LGR5: variants seen among roughly 807,000 people sequenced by gnomAD.
The protein encoded by LGR5 is leucine rich repeat containing G protein-coupled receptor 5.
LGR5 carries 54 observed loss-of-function variants against 76.7 expected under a neutral mutation model. The ratio of observed to expected loss-of-function variants is 0.70; its 90% CI spans 0.57 to 0.88. The LOEUF is 0.88. LGR5 is among the 40% of genes least tolerant of loss of function. The pLI is 0.00. For missense variants in LGR5, 1,078 were observed against 1,073.3 expected (o/e 1.00, Z -0.06); for synonymous variants, 406 against 421.9 (o/e 0.96, Z 0.46).
intron 1 of LGR5, among the ~76,000 whole-genome samples, chr12:71,465,754 T>G (rs1872838362): frequency 6.6e-6 from 1 of 152,222 alleles, no homozygotes. Context: ...GATTCCTTTT[T>G]CAGGTAACAT....
chr12:71,567,185 G>A (rs1592553421), intron 11 of LGR5: 4 of 414,866 alleles, frequency 9.6e-6, no homozygotes, highest in Non-Finnish European at 1.8e-5. Context: ...GATATGAAGA[G>A]GCCAAAATCA....
At chr12:71,528,880 G>C (rs972975426) in intron 3 of LGR5, among the ~76,000 whole-genome samples, 2 of 152,080 alleles carry the variant, frequency 1.3e-5, no homozygotes, top group Non-Finnish European at 2.9e-5. Flanking sequence ...GGATCTCCAG[G>C]GCCTTTTAAA....
chr12:71,455,926 TGAGA>T (rs1185310273), intron 1 of LGR5, among the ~76,000 whole-genome samples: 1 of 152,162 alleles, frequency 6.6e-6, no homozygotes, highest in African/African-American at 2.4e-5. Context: ...TCTAAAACAC[TGAGA>T]GATTTATGTA....
At chr12:71,526,032 G>A (rs1236006181) in intron 3 of LGR5, among the ~76,000 whole-genome samples, 1 of 152,046 alleles carries the variant, frequency 6.6e-6, no homozygotes, top group Non-Finnish European at 1.5e-5. Flanking sequence ...GATGTCATCT[G>A]TCTTGGTCAC....
intron 13 of LGR5, 152 bp downstream of exon 13, chr12:71,573,073 A>G (rs1466519436): frequency 3.6e-6 from 2 of 556,682 alleles, no homozygotes; most frequent in Non-Finnish European, 6.3e-6. Context: ...GCTTCTGGTA[A>G]TTTCCAGGAA....
intron 2 of LGR5, among the ~76,000 whole-genome samples, chr12:71,515,309 T>C (rs954327473): frequency 2.6e-5 from 4 of 152,260 alleles, no homozygotes; most frequent in Non-Finnish European, 4.4e-5. Context: ...TAGACTATTA[T>C]ACTGGTTTCA....
chr12:71,440,246 G>A lies in LGR5; in HGVS notation c.166G>A (p.Gly56Arg). 6.2e-7 allele frequency: 1 copy of A among 1,613,172 alleles called. No individual in the cohort carries two copies. The highest frequency in any genetic ancestry group is 2.2e-5 in the East Asian group (1 of 44,872). The change falls in exon 1 of 18, where the codon GGG becomes AGG. Residue 56 changes from glycine to arginine, a missense_variant. By Grantham distance (125) the Gly-to-Arg change is moderately radical (BLOSUM62 -2). Coordinates refer to ENST00000266674, the MANE Select transcript of LGR5 (RefSeq NM_003667.4). This position sits in a 1 kb window ranked among gnomAD's most constrained non-coding sequence, Gnocchi z 5.3. ...GCTCAGGGTGGACTGCTCCGACCTGGGGCTCTCGGAGCTGCCTTCCAACCT... is the reference window on the plus strand; with the variant it reads ...GCTCAGGGTGGACTGCTCCGACCTGAGGCTCTCGGAGCTGCCTTCCAACCT... ...MLLRVDCSDL[G>R]LSELPSNLSV...
At chr12:71,474,164 T>C (rs1483054708) in intron 1 of LGR5, among the ~76,000 whole-genome samples, 2 of 152,060 alleles carry the variant, frequency 1.3e-5, no homozygotes, top group Non-Finnish European at 2.9e-5. Flanking sequence ...AAAATCCCTT[T>C]CACTTTTCAT....
rs139237272 is a variant in LGR5, at chr12:71,493,396, T to C, written c.213-11218T>C. 8.5e-4 allele frequency among the ~76,000 whole-genome samples: 129 copies of C among 151,454 alleles called. 10 individuals carry two copies. The highest frequency in any genetic ancestry group is 3.1e-3 in the African/African-American group (126 of 40,716). On this transcript the variant is annotated intron_variant, in intron 1 of 17. Transcript: ENST00000266674. ...GACTCCTATGAGGATTCTCAATTCC[T>C]CAGAAAATTTTTGTGTATTTTCTTT...
intron 1 of LGR5, among the ~76,000 whole-genome samples, chr12:71,469,468 G>C (rs1873002290): frequency 1.3e-5 from 2 of 152,236 alleles, no homozygotes; most frequent in East Asian, 3.9e-4. Flanking sequence ...CCGCGTGGGC[G>C]CTGGGAGTGG....
chr12:71,496,531 A>G (rs112210727), intron 1 of LGR5, among the ~76,000 whole-genome samples: 1,859 of 152,338 alleles, frequency 0.012, 16 homozygotes, highest in Middle Eastern at 0.037. Flanking sequence ...GGCAGTATCT[A>G]TTAAAGCAGA....
intron 2 of LGR5, among the ~76,000 whole-genome samples, chr12:71,520,092 T>G (rs921249812): frequency 6.6e-6 from 1 of 152,022 alleles, no homozygotes; most frequent in Non-Finnish European, 1.5e-5. Context: ...GAACAGATAT[T>G]TGTACACTAA....
chr12:71,519,578 C>T (rs555665513), intron 2 of LGR5, among the ~76,000 whole-genome samples: 1 of 151,806 alleles, frequency 6.6e-6, no homozygotes, highest in African/African-American at 2.4e-5. Context: ...GGCGGTGAAT[C>T]GCTTGAGTTC....
rs142894793 is a variant in LGR5 at position 71,501,342 on chromosome 12, C to T, written c.213-3272C>T. On this transcript the variant is annotated intron_variant, in intron 1 of 17. Transcript: ENST00000266674. ...ACAAAAAACCCTAGGGCCTAGACCT[C>T]GGTTCTAGGCCTGGCCTTTCCCCCT... is the stretch of plus-strand genomic sequence containing the variant. Among the ~76,000 whole-genome samples the T allele has an allele frequency of 4.7e-3, 723 of 152,288 alleles. 9 individuals carry two copies. The highest frequency in any genetic ancestry group is 0.017 in the African/African-American group (686 of 41,556).
intron 6 of LGR5, among the ~76,000 whole-genome samples, chr12:71,558,601 T>C (rs1000861272): frequency 1.3e-5 from 2 of 152,338 alleles, no homozygotes; most frequent in African/African-American, 4.8e-5. Flanking sequence ...GCAGTATAGC[T>C]TAAGGATGGT....
At chr12:71,499,362 G>C (rs1295878322) in intron 1 of LGR5, among the ~76,000 whole-genome samples, 2 of 152,134 alleles carry the variant, frequency 1.3e-5, no homozygotes, top group East Asian at 3.9e-4. Context: ...CCTTGGAAGA[G>C]ATATGGGGGA....
chr12:71,459,104 T>C (rs12306369), intron 1 of LGR5, among the ~76,000 whole-genome samples: 9,115 of 152,072 alleles, frequency 0.06, 948 homozygotes, highest in African/African-American at 0.21. Flanking sequence ...AAGACCAGTA[T>C]GTACCTTATA....
chr12:71,439,627 G>T (rs771900938), upstream of LGR5: 6 of 178,220 alleles, frequency 3.4e-5, no homozygotes, highest in Non-Finnish European at 5.9e-5. Flanking sequence ...ACCGCGCGCT[G>T]CCTGCTGCCT....
intron 16 of LGR5, among the ~76,000 whole-genome samples, chr12:71,581,513 T>G (rs1879091167): frequency 6.6e-6 from 1 of 152,246 alleles, no homozygotes; most frequent in Middle Eastern, 3.2e-3. Flanking sequence ...TATGATTCAG[T>G]CTGTCTGCAG....
Sources: allele counts gnomAD v4.1 joint callset (sites outside exome capture counted in the v4.1 genomes callset), GRCh38; gene constraint gnomAD v4.1.1; non-coding constraint Gnocchi (gnomAD v3.1); transcripts MANE v1.5; gene names NCBI Gene and HGNC (gene_info 2026-07-23, HGNC 2026-07-21).